Variants in PCDH9 observed in about 807,000 individuals in gnomAD.
The protein encoded by PCDH9 is protocadherin 9.
In PCDH9, 24 loss-of-function variants were observed where a neutral mutation model predicts 70.6. The observed-to-expected ratio is 0.34, with a 90% CI of 0.25 to 0.48. The LOEUF is 0.48. Among genes scored for constraint, PCDH9 ranks in the 20% least tolerant of loss-of-function variants. The pLI is 0.99. For missense variants in PCDH9, 1,281 were observed against 1,503.6 expected, an observed-to-expected ratio of 0.85 and a Z score of 2.45; for synonymous variants, 562 against 558.5, an observed-to-expected ratio of 1.01 and a Z score of -0.09.
chr13:66,639,193 T>G (rs1180903766), intron 3 of PCDH9, among the ~76,000 whole-genome samples: 1 of 152,204 alleles, frequency 6.6e-6, no homozygotes. Flanking sequence ...GTTTGCTGTT[T>G]GCCGCTAAGC....
chr13:66,623,404 T>C (rs1036552062), intron 4 of PCDH9, among the ~76,000 whole-genome samples: 1 of 152,138 alleles, frequency 6.6e-6, no homozygotes, highest in Admixed American at 6.5e-5. Flanking sequence ...GTTCATATTT[T>C]GGGGCTCACC....
intron 3 of PCDH9, among the ~76,000 whole-genome samples, chr13:66,739,560 A>T (rs997526202): frequency 6.9e-6 from 1 of 145,932 alleles, no homozygotes; most frequent in Non-Finnish European, 1.5e-5. Flanking sequence ...TTGGATAAAG[A>T]GTCAAGACCC....
At chr13:66,802,215 T>G (rs1020228) in intron 3 of PCDH9, among the ~76,000 whole-genome samples, 128,073 of 151,794 alleles carry the variant, frequency 0.84, 58,295 homozygotes, top group Non-Finnish European at 1. Flanking sequence ...ATCAATACAG[T>G]TCTAATAAAT....
At chr13:66,472,265 C>T (rs116276278) in intron 4 of PCDH9, among the ~76,000 whole-genome samples, 2,206 of 150,878 alleles carry the variant, frequency 0.015, 49 homozygotes, top group African/African-American at 0.05. Flanking sequence ...ATGTGGTTCA[C>T]CTTTGCCTGA....
chr13:66,692,966 G>T (rs1252610233), intron 3 of PCDH9, among the ~76,000 whole-genome samples: 1 of 152,004 alleles, frequency 6.6e-6, no homozygotes, highest in Admixed American at 6.6e-5. Flanking sequence ...GAAACAATGG[G>T]TACGATATAT....
chr13:66,569,877 A>G lies in PCDH9; in HGVS notation c.3340+61333T>C, dbSNP rs531358303. ...CAGAGTCTTACAAAATTAAATCTGC[A>G]ATTGTCGTATGATTCCACAATCACA... On this transcript the variant is annotated intron_variant, in intron 4 of 4. Transcript: ENST00000377865. Among the ~76,000 whole-genome samples the G allele has an allele frequency of 3.3e-5, 5 of 152,274 alleles. No individual in the cohort carries two copies. In the East Asian group the frequency reaches 5.8e-4, roughly 18 times the overall value.
chr13:66,375,698 C>A (rs1051494658), intron 4 of PCDH9, among the ~76,000 whole-genome samples: 4 of 151,958 alleles, frequency 2.6e-5, no homozygotes, highest in African/African-American at 9.7e-5. Flanking sequence ...TATTTTATAA[C>A]CATGAATTTA....
chr13:67,106,538 G>A (rs551210688), intron 2 of PCDH9, among the ~76,000 whole-genome samples: 2 of 152,190 alleles, frequency 1.3e-5, no homozygotes, highest in African/African-American at 4.8e-5. Context: ...TTTTAATATG[G>A]TATCAATGAC....
chr13:66,841,046 CTTA>C, intron 3 of PCDH9, among the ~76,000 whole-genome samples: 1 of 151,882 alleles, frequency 6.6e-6, no homozygotes, highest in East Asian at 1.9e-4. Flanking sequence ...TCATGAGCAG[CTTA>C]AATAAAAACT....
chr13:66,545,222 G>T (rs774581655), intron 4 of PCDH9, among the ~76,000 whole-genome samples: 8 of 152,052 alleles, frequency 5.3e-5, no homozygotes, highest in Non-Finnish European at 1.0e-4. Context: ...TAGGAAAATA[G>T]CTATTTGCAT....
chr13:67,022,507 G>A (rs1452946209), intron 2 of PCDH9, among the ~76,000 whole-genome samples: 1 of 152,130 alleles, frequency 6.6e-6, no homozygotes, highest in Non-Finnish European at 1.5e-5. Flanking sequence ...ACCTTGAAAC[G>A]TGAAAAATGT....
chr13:66,762,226 G>T (rs1001905644), intron 3 of PCDH9, among the ~76,000 whole-genome samples: 2 of 152,082 alleles, frequency 1.3e-5, no homozygotes, highest in African/African-American at 4.8e-5. Context: ...GGCTGCTAAA[G>T]CCTGCCAGTT....
chr13:67,144,514 G>A (rs7997567), intron 2 of PCDH9, among the ~76,000 whole-genome samples: 5 of 152,056 alleles, frequency 3.3e-5, no homozygotes, highest in East Asian at 1.9e-4. Flanking sequence ...AATAGCTATC[G>A]TTCTGGGAAC....
At chr13:66,521,104 C>T (rs1959967452) in intron 4 of PCDH9, among the ~76,000 whole-genome samples, 1 of 152,144 alleles carries the variant, frequency 6.6e-6, no homozygotes, top group African/African-American at 2.4e-5. Flanking sequence ...ATTTGGAAGA[C>T]AGCTTGCATA....
At chr13:66,508,943 C>T (rs915379263) in intron 4 of PCDH9, among the ~76,000 whole-genome samples, 4 of 152,070 alleles carry the variant, frequency 2.6e-5, no homozygotes, top group Non-Finnish European at 2.9e-5. Flanking sequence ...AAAGACTTCT[C>T]GGGATGTTGT....
At chr13:66,478,471 CTTGTGCCAAACAATTAGCAAGTTA>C (rs1958773742) in intron 4 of PCDH9, among the ~76,000 whole-genome samples, 1 of 152,176 alleles carries the variant, frequency 6.6e-6, no homozygotes. Context: ...AGCTAGGCCT[CTTGTGCCAAACAATTAGCAAGTTA>C]TGAATGCAAA....
intron 2 of PCDH9, among the ~76,000 whole-genome samples, chr13:67,029,725 C>T (rs764484642): frequency 1.3e-5 from 2 of 152,182 alleles, no homozygotes; most frequent in Non-Finnish European, 2.9e-5. Context: ...CTGACGAGAA[C>T]ATTTAAACAT....
intron 4 of PCDH9, among the ~76,000 whole-genome samples, chr13:66,424,429 T>C (rs1381771335): frequency 6.6e-6 from 1 of 151,968 alleles, no homozygotes; most frequent in African/African-American, 2.4e-5. Context: ...TATTTAAACA[T>C]GGTATAGAGG....
chr13:66,417,031 AT>A (rs987846854), intron 4 of PCDH9, among the ~76,000 whole-genome samples: 5 of 151,920 alleles, frequency 3.3e-5, no homozygotes, highest in Non-Finnish European at 5.9e-5. Context: ...TGATAAATGA[AT>A]TTTTTTTATT....
Sources: gnomAD v4.1 joint callset for allele counts (sites outside exome capture counted in the v4.1 genomes callset) on GRCh38, gnomAD v4.1.1 for gene constraint, MANE v1.5 for transcripts, NCBI Gene and HGNC (gene_info 2026-07-23, HGNC 2026-07-21) for gene names.